KALRN: variants seen among roughly 807,000 people sequenced by gnomAD.
KALRN encodes kalirin.
A neutral mutation model predicts 353.7 loss-of-function variants in KALRN; 70 were observed. That is an observed-to-expected ratio of 0.20 (90% CI 0.16 to 0.24). The LOEUF (loss-of-function observed/expected upper bound fraction) is 0.24, where lower values mean the gene tolerates loss of function less well. Ranked by LOEUF, KALRN falls within the 10% of genes least tolerant of loss-of-function variation. The probability of loss-of-function intolerance (pLI) is 1.00; values close to 1 mark genes in which losing one functional copy is unlikely to be tolerated. For synonymous variants in KALRN, 1,391 were observed against 1,434.8 expected, an observed-to-expected ratio of 0.97 and a Z score of 0.69; for missense variants, 2,791 against 3,756.7, an observed-to-expected ratio of 0.74 and a Z score of 6.72.
At chr3:124,400,206 G>A (rs979771267) in intron 13 of KALRN, among the ~76,000 whole-genome samples, 42 of 152,100 alleles carry the variant, frequency 2.8e-4, no homozygotes, top group African/African-American at 9.2e-4. Flanking sequence ...ACTATCTTGG[G>A]AACAGCTACC....
intron 11 of KALRN, among the ~76,000 whole-genome samples, chr3:124,392,428 G>T (rs1426028002): frequency 1.3e-5 from 2 of 152,056 alleles, no homozygotes; most frequent in African/African-American, 4.8e-5. Flanking sequence ...TGTGAGGAAA[G>T]CACTGTTATT....
Position 124,442,028 on chromosome 3 carries a change from C to A in KALRN, c.3282C>A (p.Ser1094Arg). Reference sequence around the variant, plus strand: ...ACGTCAGCATGCCCAGTGTCGCCAGCCACACTCGGGGACCCGAGCAACAAG... The same window carrying A: ...ACGTCAGCATGCCCAGTGTCGCCAGACACACTCGGGGACCCGAGCAACAAG... ...RNNVSMPSVASHTRGPEQQVK... is the reference protein window; with the variant it reads ...RNNVSMPSVARHTRGPEQQVK... Residue 1094 changes from serine to arginine, a missense_variant, in exon 19 of 60, where the codon AGC becomes AGA. Physicochemically the swap from Ser to Arg is moderately radical, Grantham distance 110 (BLOSUM62 -1). Coordinates refer to ENST00000682506, the MANE Select transcript of KALRN (RefSeq NM_001388419.1). 6.2e-7 allele frequency: 1 copy of A among 1,605,952 alleles called. No homozygotes were observed. Among genetic ancestry groups the A allele is most frequent in the Non-Finnish European group, 8.5e-7 (1 of 1,174,202 alleles).
intron 1 of KALRN, among the ~76,000 whole-genome samples, chr3:124,132,334 G>T (rs1300447995): frequency 6.6e-6 from 1 of 152,156 alleles, no homozygotes; most frequent in Non-Finnish European, 1.5e-5. Flanking sequence ...CCTAAGGTTT[G>T]TGAGGGAAGC....
chr3:124,609,343 T>C (rs2077682611), intron 34 of KALRN, among the ~76,000 whole-genome samples: 1 of 152,204 alleles, frequency 6.6e-6, no homozygotes, highest in Non-Finnish European at 1.5e-5. Flanking sequence ...GTGGGTGATG[T>C]TATCAGCCAC....
chr3:124,725,759 A>G lies in KALRN; in HGVS notation c.*6289A>G, dbSNP rs1188442759. 1 of 152,156 alleles carries G rather than the reference A, an allele frequency of 6.6e-6. No individual in the cohort carries two copies. The highest frequency in any genetic ancestry group is 2.4e-5 in the African/African-American group (1 of 41,438). The allele number at this position is 152,156 out of a possible 1,614,324, so 9.4% of individuals were successfully genotyped here. A position where few individuals can be genotyped will look rare whatever the true frequency, so the allele number is the denominator to read the frequency against. On this transcript the variant is annotated 3_prime_UTR_variant, in exon 60 of 60. Coordinates refer to ENST00000682506, the MANE Select transcript of KALRN (RefSeq NM_001388419.1). ...GACTTATAACTATCTTTACATTTGA[A>G]CTATTAATAGTTGATTTGCAAACTG...
intron 1 of KALRN, among the ~76,000 whole-genome samples, chr3:124,133,803 G>A (rs1156815915): frequency 6.6e-6 from 1 of 152,142 alleles, no homozygotes; most frequent in Non-Finnish European, 1.5e-5. Context: ...AGGACAACAT[G>A]TTCCTAGTAT....
intron 37 of KALRN, among the ~76,000 whole-genome samples, chr3:124,647,892 C>T (rs1334720976): frequency 1.3e-5 from 2 of 152,164 alleles, no homozygotes; most frequent in African/African-American, 4.8e-5. Flanking sequence ...GATGACCTTC[C>T]TCCACACTTC....
chr3:124,392,764 C>A (rs1465412963), intron 11 of KALRN, among the ~76,000 whole-genome samples: 1 of 150,490 alleles, frequency 6.6e-6, no homozygotes, highest in Non-Finnish European at 1.5e-5. Context: ...GGCATCATGC[C>A]CAGCTAATTT....
At chr3:124,652,034 T>C (rs2083472289) in intron 38 of KALRN, among the ~76,000 whole-genome samples, 1 of 152,188 alleles carries the variant, frequency 6.6e-6, no homozygotes, top group African/African-American at 2.4e-5. Context: ...TTATAAGCAG[T>C]AGTGAGAATT....
intron 33 of KALRN, among the ~76,000 whole-genome samples, chr3:124,544,699 T>A (rs1293017952): frequency 2.0e-5 from 3 of 152,168 alleles, no homozygotes; most frequent in Non-Finnish European, 4.4e-5. Flanking sequence ...CTTGATTACA[T>A]CCTCAAGAAT....
chr3:124,073,121 G>A (rs1426060202), intron 1 of KALRN, among the ~76,000 whole-genome samples: 7 of 152,292 alleles, frequency 4.6e-5, no homozygotes, highest in East Asian at 1.9e-4. Flanking sequence ...GTTGTGGTTC[G>A]TTGTTACTTT....
intron 10 of KALRN, among the ~76,000 whole-genome samples, chr3:124,367,007 G>A (rs1166364704): frequency 7.0e-6 from 1 of 142,702 alleles, no homozygotes; most frequent in Non-Finnish European, 1.5e-5. Context: ...GCCGGGTTGG[G>A]GGGCTGACCG....
intron 1 of KALRN, among the ~76,000 whole-genome samples, chr3:124,157,130 C>T (rs561944868): frequency 6.6e-6 from 1 of 152,296 alleles, no homozygotes; most frequent in African/African-American, 2.4e-5. Flanking sequence ...AGATTTATCT[C>T]TCTAGAGATA....
intron 1 of KALRN, among the ~76,000 whole-genome samples, chr3:124,108,212 G>C (rs960595321): frequency 1.3e-5 from 2 of 152,264 alleles, no homozygotes; most frequent in Middle Eastern, 3.4e-3. Context: ...TAGTGATTCT[G>C]GGATAGCCAA....
chr3:124,471,083 G>A (rs891885087), intron 25 of KALRN, among the ~76,000 whole-genome samples: 1 of 152,080 alleles, frequency 6.6e-6, no homozygotes, highest in African/African-American at 2.4e-5. Context: ...GTCTCCAGGA[G>A]TGGGGAAGAG....
At chr3:124,396,196 A>G (rs979796935) in intron 12 of KALRN, among the ~76,000 whole-genome samples, 1 of 152,260 alleles carries the variant, frequency 6.6e-6, no homozygotes. Context: ...GACAGAAATA[A>G]TCTCATCAGC....
At chr3:124,439,196 T>A (rs879566232) in intron 18 of KALRN, among the ~76,000 whole-genome samples, 159 bp downstream of exon 18, 9,805 of 79,134 alleles carry the variant, frequency 0.12, 505 homozygotes, top group East Asian at 0.26. Context: ...CTTCTCTCTC[T>A]CTCTCACACA....
intron 1 of KALRN, among the ~76,000 whole-genome samples, chr3:124,189,839 T>C (rs188323858): frequency 3.3e-5 from 5 of 150,386 alleles, no homozygotes; most frequent in Middle Eastern, 3.4e-3. Context: ...CTCAAGAGGC[T>C]GAGGCAGGAG....
chr3:124,492,796 A>T lies in KALRN; in HGVS notation c.4746A>T (p.Gln1582His). 1 of 1,614,186 alleles carries T rather than the reference A, an allele frequency of 6.2e-7. No homozygotes were observed. The highest frequency in any genetic ancestry group is 8.5e-7 in the Non-Finnish European group (1 of 1,180,022). The change falls in exon 32 of 60, where the codon CAA (glutamine) becomes CAT (histidine). Residue 1582 changes from glutamine (Q) to histidine (H), a missense_variant. Physicochemically the swap from Gln to His is conservative, Grantham distance 24. This residue lies in a region of KALRN where 239 missense variants were observed against 351.3 expected (regional missense o/e 0.68). Coordinates refer to ENST00000682506, the MANE Select transcript of KALRN (RefSeq NM_001388419.1). The stretch of plus-strand genomic sequence containing the variant: ...TCAAGAACATTCGAGAAGTGATTCA[A>T]GAAAGGATCATTCACCTGAAAGGAG... ...EWIKNIREVI[Q>H]ERIIHLKGAL... is the part of the protein sequence containing the mutation.
Sources: allele counts gnomAD v4.1 joint callset (sites outside exome capture counted in the v4.1 genomes callset), GRCh38; gene constraint gnomAD v4.1.1; regional missense constraint gnomAD v4.1.1; transcripts MANE v1.5; gene names NCBI Gene and HGNC (gene_info 2026-07-23, HGNC 2026-07-21).